Variants in ANO3 observed in about 807,000 individuals in gnomAD.
ANO3 encodes anoctamin 3, also known as anoctamin-3.
Under a neutral mutation model 144.8 loss-of-function variants are expected in ANO3, and 99 were observed. The observed-to-expected ratio is 0.68, with a 90% CI of 0.58 to 0.81. The LOEUF is 0.81. Ranked by LOEUF, ANO3 falls within the 30% of genes least tolerant of loss-of-function variation. The pLI is 0.00. For synonymous variants in ANO3, 414 were observed against 392.6 expected (o/e 1.05, Z -0.64); for missense variants, 905 against 1,202.2 (o/e 0.75, Z 3.66).
chr11:26,566,642 G>T (rs1457388884), intron 14 of ANO3, among the ~76,000 whole-genome samples: 2 of 151,798 alleles, frequency 1.3e-5, no homozygotes, highest in Non-Finnish European at 2.9e-5. Flanking sequence ...GAAGAATATG[G>T]TTGGGGTGTG....
intron 1 of ANO3, among the ~76,000 whole-genome samples, chr11:26,264,045 T>G (rs1318097707): frequency 1.3e-5 from 2 of 152,198 alleles, no homozygotes; most frequent in Non-Finnish European, 2.9e-5. Flanking sequence ...TTAAATACTC[T>G]TCATTCTGTC....
At chr11:26,594,688 T>G (rs1851556523) in intron 14 of ANO3, among the ~76,000 whole-genome samples, 1 of 151,986 alleles carries the variant, frequency 6.6e-6, no homozygotes. Flanking sequence ...CTTTATTAGT[T>G]GGGGAAGGAG....
chr11:26,479,763 G>T (rs1052779205), intron 4 of ANO3, among the ~76,000 whole-genome samples: 1 of 152,074 alleles, frequency 6.6e-6, no homozygotes, highest in Non-Finnish European at 1.5e-5. Context: ...ATGCACTCAC[G>T]AATACAGTTA....
chr11:26,244,866 T>A (rs554086792), intron 1 of ANO3, among the ~76,000 whole-genome samples: 5 of 152,196 alleles, frequency 3.3e-5, no homozygotes, highest in African/African-American at 1.2e-4. Context: ...CCTGATAATT[T>A]TCATAATTAT....
intron 1 of ANO3, among the ~76,000 whole-genome samples, chr11:26,438,611 A>AAAAAAAAAAAAAAG (rs1565024985): frequency 1.4e-3 from 48 of 35,494 alleles, no homozygotes; most frequent in Non-Finnish European, 2.2e-3. Context: ...AAAAAAAAGA[A>AAAAAAAAAAAAAAG]AAAAAAAAAA....
intron 1 of ANO3, among the ~76,000 whole-genome samples, chr11:26,264,215 A>G (rs1226480292): frequency 1.3e-5 from 2 of 152,234 alleles, no homozygotes; most frequent in African/African-American, 4.8e-5. Context: ...AAACTACAAC[A>G]TGTAGCTTCA....
At chr11:26,366,383 C>G (rs79788729) in intron 1 of ANO3, among the ~76,000 whole-genome samples, 10,393 of 152,122 alleles carry the variant, frequency 0.068, 605 homozygotes, top group African/African-American at 0.16. Context: ...TTTTCTTAAT[C>G]TAGTCTATTT....
At chr11:26,628,338 A>G (rs1366246491) in intron 18 of ANO3, among the ~76,000 whole-genome samples, 5 of 152,224 alleles carry the variant, frequency 3.3e-5, no homozygotes, top group Non-Finnish European at 7.3e-5. Context: ...AGAAACAGAG[A>G]AATTAACAGT....
At chr11:26,269,449 C>G (rs929103949) in intron 1 of ANO3, among the ~76,000 whole-genome samples, 1 of 152,176 alleles carries the variant, frequency 6.6e-6, no homozygotes, top group South Asian at 2.1e-4. Flanking sequence ...AGTGAGGTAA[C>G]GCCCAGATCT....
chr11:26,485,992 A>G (rs1860429419), intron 4 of ANO3, among the ~76,000 whole-genome samples: 1 of 152,228 alleles, frequency 6.6e-6, no homozygotes, highest in Non-Finnish European at 1.5e-5. Context: ...AAACAAGTCA[A>G]TGAAAAATAA....
intron 1 of ANO3, among the ~76,000 whole-genome samples, chr11:26,362,284 T>C (rs1855947643): frequency 3.9e-5 from 6 of 152,202 alleles, no homozygotes; most frequent in Admixed American, 3.9e-4. Flanking sequence ...TTATTTTGCT[T>C]GGAGTTTTTG....
chr11:26,539,853 T>C (rs1849601964), intron 10 of ANO3, among the ~76,000 whole-genome samples: 1 of 152,152 alleles, frequency 6.6e-6, no homozygotes, highest in South Asian at 2.1e-4. Context: ...ATACTGGGTA[T>C]TATTATTATT....
At chr11:26,235,411 T>C (rs1435367128) in intron 1 of ANO3, among the ~76,000 whole-genome samples, 2 of 152,186 alleles carry the variant, frequency 1.3e-5, no homozygotes, top group African/African-American at 4.8e-5. Flanking sequence ...CCAAAACTGA[T>C]ACTTCCAGTT....
intron 1 of ANO3, among the ~76,000 whole-genome samples, chr11:26,380,509 C>T (rs546836104): frequency 7.2e-5 from 11 of 152,262 alleles, no homozygotes; most frequent in African/African-American, 2.4e-4. Flanking sequence ...GCACTCATTC[C>T]TCAGAGATGA....
chr11:26,323,611 A>G (rs1854813828), intron 1 of ANO3, among the ~76,000 whole-genome samples: 1 of 152,180 alleles, frequency 6.6e-6, no homozygotes, highest in African/African-American at 2.4e-5. Context: ...CTAGCCTCAG[A>G]GGAAGTACAG....
intron 3 of ANO3, among the ~76,000 whole-genome samples, chr11:26,446,361 T>G (rs955500708): frequency 6.6e-6 from 1 of 152,194 alleles, no homozygotes; most frequent in Non-Finnish European, 1.5e-5. Context: ...GATTATTGCA[T>G]GGGAATTTCC....
intron 1 of ANO3, among the ~76,000 whole-genome samples, chr11:26,370,182 T>G (rs1856208444): frequency 6.6e-6 from 1 of 152,326 alleles, no homozygotes; most frequent in Non-Finnish European, 1.5e-5. Context: ...GGTAATGGAA[T>G]CATGGGTGTG....
chr11:26,533,403 C>G (rs1849422844), intron 8 of ANO3, among the ~76,000 whole-genome samples: 1 of 151,942 alleles, frequency 6.6e-6, no homozygotes, highest in African/African-American at 2.4e-5. Flanking sequence ...GCATTTGCAC[C>G]AACCTAATAA....
chr11:26,448,281 A>G (rs1858781866), intron 3 of ANO3, among the ~76,000 whole-genome samples: 1 of 148,706 alleles, frequency 6.7e-6, no homozygotes, highest in Admixed American at 6.9e-5. Flanking sequence ...CCTGGGCAAC[A>G]AAAGCGTAAC....
Sources: allele counts gnomAD v4.1 joint callset (sites outside exome capture counted in the v4.1 genomes callset), GRCh38; gene constraint gnomAD v4.1.1; transcripts MANE v1.5; gene names NCBI Gene and HGNC (gene_info 2026-07-23, HGNC 2026-07-21).